The following GPC5 variants were observed in gnomAD, a reference collection of about 807,000 sequenced individuals.
GPC5 encodes the protein glypican 5, also known as glypican-5.
In GPC5, 47 loss-of-function variants were observed where a neutral mutation model predicts 53.9. The observed-to-expected ratio is 0.87, with a 90% CI of 0.69 to 1.11. GPC5 has a LOEUF of 1.11. GPC5 is among the 50% of genes most tolerant of loss of function. The pLI is 0.00. For synonymous variants in GPC5, 286 were observed against 263.3 expected, an observed-to-expected ratio of 1.09 and a Z score of -0.84; for missense variants, 748 against 713.1, an observed-to-expected ratio of 1.05 and a Z score of -0.56.
Position 92,751,302 on chromosome 13 carries a change from T to TAAAAAAAAAAAAAAAAAAAAAAAAA in GPC5, c.1562-114980_1562-114979insAAAAAAAAAAAAAAAAAAAAAAAAA, listed in dbSNP as rs1566400471. Reference sequence around the variant, plus strand: ...AAAACCTTTGGTCATCCAGAAACATTTAAAAAAAAAAAAAAAAAAAAAAAA... The same window carrying TAAAAAAAAAAAAAAAAAAAAAAAAA: ...AAAACCTTTGGTCATCCAGAAACATTAAAAAAAAAAAAAAAAAAAAAAAAATAAAAAAAAAAAAAAAAAAAAAAAA... On this transcript the variant is annotated intron_variant, in intron 7 of 7. Coordinates refer to ENST00000377067, the MANE Select transcript of GPC5 (RefSeq NM_004466.6). 1.1e-3 allele frequency among the ~76,000 whole-genome samples: 37 copies of TAAAAAAAAAAAAAAAAAAAAAAAAA among 34,416 alleles called. 5 individuals carry two copies. Among genetic ancestry groups the TAAAAAAAAAAAAAAAAAAAAAAAAA allele is most frequent in the Admixed American group, 1.5e-3 (4 of 2,592 alleles). The allele number at this position is 34,416 out of a possible 152,430, so 22.6% of individuals were successfully genotyped here.
intron 7 of GPC5, among the ~76,000 whole-genome samples, chr13:92,372,281 A>AT (rs1215002469): frequency 6.6e-6 from 1 of 152,152 alleles, no homozygotes; most frequent in South Asian, 2.1e-4. Flanking sequence ...GTGGCTTTCA[A>AT]TTTTTTTAAG....
chr13:92,851,394 G>A (rs2892647), intron 7 of GPC5, among the ~76,000 whole-genome samples: 14,772 of 152,070 alleles, frequency 0.097, 1,282 homozygotes, highest in African/African-American at 0.23. Flanking sequence ...CAGGCAAGAC[G>A]CTGGAAGAGT....
chr13:91,521,126 A>C (rs1364016938), intron 2 of GPC5, among the ~76,000 whole-genome samples: 1 of 152,180 alleles, frequency 6.6e-6, no homozygotes, highest in Non-Finnish European at 1.5e-5. Context: ...CCACTTGTTT[A>C]CATTTCACAT....
rs1566435189 is a variant in GPC5 at position 91,478,812 on chromosome 13, T to TAC, written c.325+29891_325+29892insCA. 4.9e-4 allele frequency among the ~76,000 whole-genome samples: 60 copies of TAC among 123,278 alleles called. 1 individual carries two copies. Among genetic ancestry groups the TAC allele is most frequent in the African/African-American group, 1.7e-3 (52 of 30,966 alleles). 80.9% of individuals were successfully genotyped at this position (123,278 alleles called of 152,430 possible). On this transcript the variant is annotated intron_variant, in intron 2 of 7. Coordinates refer to ENST00000377067, the MANE Select transcript of GPC5 (RefSeq NM_004466.6). ...ATTTGAGTTTATATATATATATATATATATATATATACACACACACACATA... is the reference window on the plus strand; with the variant it reads ...ATTTGAGTTTATATATATATATATATACATATATATATACACACACACACATA...
chr13:91,691,453 G>A (rs2035756103), intron 2 of GPC5, among the ~76,000 whole-genome samples: 1 of 152,110 alleles, frequency 6.6e-6, no homozygotes. Flanking sequence ...CTCAATTGAA[G>A]CCTTCTCATA....
intron 7 of GPC5, among the ~76,000 whole-genome samples, chr13:92,344,782 G>T (rs2043396751): frequency 6.6e-6 from 1 of 151,942 alleles, no homozygotes; most frequent in Non-Finnish European, 1.5e-5. Flanking sequence ...CAGAAATAGG[G>T]GTGAGTCTTA....
chr13:91,996,117 TG>T (rs1201305177), intron 6 of GPC5: 1 of 152,238 alleles, frequency 6.6e-6, no homozygotes, highest in Non-Finnish European at 1.5e-5. Context: ...GATCTTTCAT[TG>T]TTTTTTTGAG....
At chr13:92,166,472 T>C (rs1305180087) in intron 7 of GPC5, among the ~76,000 whole-genome samples, 1 of 152,194 alleles carries the variant, frequency 6.6e-6, no homozygotes, top group African/African-American at 2.4e-5. Context: ...CTGGGTATAA[T>C]TGATATTGCT....
intron 7 of GPC5, among the ~76,000 whole-genome samples, chr13:92,200,958 GACACACAGGCACTCAGACACACACACAC>G (rs2042289976): frequency 7.0e-6 from 1 of 141,960 alleles, no homozygotes; most frequent in Non-Finnish European, 1.5e-5. Flanking sequence ...GCAACAGACA[GACACACAGGCACTCAGACACACACACAC>G]ACACACACAC....
At chr13:92,667,641 A>G (rs538904605) in intron 7 of GPC5, among the ~76,000 whole-genome samples, 1 of 151,982 alleles carries the variant, frequency 6.6e-6, no homozygotes, top group East Asian at 1.9e-4. Flanking sequence ...AAGATGGCTG[A>G]CATTGCTGCT....
intron 1 of GPC5, among the ~76,000 whole-genome samples, chr13:91,406,681 G>C (rs1324432996): frequency 6.6e-6 from 1 of 152,016 alleles, no homozygotes; most frequent in East Asian, 1.9e-4. Context: ...TCACCTAGAC[G>C]TGCAAGCCCC....
chr13:91,422,735 C>G (rs897060341), intron 1 of GPC5, among the ~76,000 whole-genome samples: 1 of 152,118 alleles, frequency 6.6e-6, no homozygotes, highest in Non-Finnish European at 1.5e-5. Context: ...GGTGGGGACT[C>G]TGCAGAGTCC....
chr13:92,833,521 T>C (rs190257712), intron 7 of GPC5, among the ~76,000 whole-genome samples: 2 of 152,156 alleles, frequency 1.3e-5, no homozygotes, highest in African/African-American at 4.8e-5. Context: ...CTTTGAAAAA[T>C]TGATGTTTTT....
At chr13:92,403,853 C>T (rs1306214719) in intron 7 of GPC5, among the ~76,000 whole-genome samples, 1 of 152,082 alleles carries the variant, frequency 6.6e-6, no homozygotes, top group Non-Finnish European at 1.5e-5. Context: ...CATAAAGGGA[C>T]TATTCATAGA....
chr13:92,629,419 G>C (rs144813663), intron 7 of GPC5, among the ~76,000 whole-genome samples: 2 of 152,060 alleles, frequency 1.3e-5, no homozygotes, highest in Non-Finnish European at 1.5e-5. Flanking sequence ...ATTGTGGGGG[G>C]ATTATTTCAT....
At chr13:92,655,911 T>C (rs964471588) in intron 7 of GPC5, among the ~76,000 whole-genome samples, 10 of 152,186 alleles carry the variant, frequency 6.6e-5, no homozygotes, top group Non-Finnish European at 1.2e-4. Context: ...AAATTTAAAA[T>C]AAAAATTATC....
intron 7 of GPC5, among the ~76,000 whole-genome samples, chr13:92,505,244 C>G (rs1387193251): frequency 1.3e-5 from 2 of 151,698 alleles, no homozygotes; most frequent in Non-Finnish European, 2.9e-5. Flanking sequence ...GAGCTGTATT[C>G]AGAATATATA....
At chr13:91,821,646 G>A (rs2038497396) in intron 5 of GPC5, among the ~76,000 whole-genome samples, 1 of 152,040 alleles carries the variant, frequency 6.6e-6, no homozygotes, top group African/African-American at 2.4e-5. Context: ...TTTAATGAAT[G>A]GATATTGAAT....
intron 6 of GPC5, among the ~76,000 whole-genome samples, chr13:91,911,882 G>A (rs1347051161): frequency 6.6e-6 from 1 of 152,174 alleles, no homozygotes; most frequent in Admixed American, 6.6e-5. Context: ...TAAGAGAAGA[G>A]TAGGTCTGGC....
Sources: gnomAD v4.1 joint callset for allele counts (sites outside exome capture counted in the v4.1 genomes callset) on GRCh38, gnomAD v4.1.1 for gene constraint, MANE v1.5 for transcripts, NCBI Gene and HGNC (gene_info 2026-07-23, HGNC 2026-07-21) for gene names.